SLC2A14: variants seen among roughly 807,000 people sequenced by gnomAD.
SLC2A14 encodes solute carrier family 2 member 14.
SLC2A14 carries 13 observed loss-of-function variants against 43.0 expected under a neutral mutation model. That is an observed-to-expected ratio of 0.30 (90% CI 0.20 to 0.48). The LOEUF (loss-of-function observed/expected upper bound fraction) is 0.48, where lower values mean the gene tolerates loss of function less well. Ranked by LOEUF, SLC2A14 falls within the 20% of genes least tolerant of loss-of-function variation. The probability of loss-of-function intolerance (pLI) is 0.99; values close to 1 mark genes in which losing one functional copy is unlikely to be tolerated. For missense variants in SLC2A14, 428 were observed against 620.4 expected (o/e 0.69, Z 3.29); for synonymous variants, 190 against 233.8 (o/e 0.81, Z 1.71).
chr12:7,854,279 G>A (rs190582424), intron 2 of SLC2A14, among the ~76,000 whole-genome samples: 1 of 151,964 alleles, frequency 6.6e-6, no homozygotes, highest in African/African-American at 2.4e-5. Context: ...AAAGCTAGGA[G>A]TTATTCAGGA....
At chr12:7,856,989 C>G (rs1387371464) in intron 2 of SLC2A14, among the ~76,000 whole-genome samples, 1 of 152,060 alleles carries the variant, frequency 6.6e-6, no homozygotes, top group South Asian at 2.1e-4. Context: ...CGGTGGCTCA[C>G]GCCTGTAATC....
chr12:7,873,280 G>A, upstream of SLC2A14: 1 of 985,640 alleles, frequency 1.0e-6, no homozygotes, highest in Non-Finnish European at 1.2e-6. Flanking sequence ...GCAGCAGGGA[G>A]ATAGTGCCCG....
At chr12:7,816,397 C>T (rs1285908172) in intron 10 of SLC2A14, among the ~76,000 whole-genome samples, 1 of 143,734 alleles carries the variant, frequency 7.0e-6, no homozygotes, top group East Asian at 2.1e-4. Context: ...AGCCACCGCG[C>T]CCGGCCATTT....
chr12:7,860,248 G>A (rs1944471981), intron 2 of SLC2A14, among the ~76,000 whole-genome samples: 1 of 152,122 alleles, frequency 6.6e-6, no homozygotes, highest in African/African-American at 2.4e-5. Flanking sequence ...AAGAAGCAAA[G>A]CCCTCAGAGA....
At chr12:7,882,947 G>C (rs777886793) in intron 1 of SLC2A14, among the ~76,000 whole-genome samples, 6 of 151,496 alleles carry the variant, frequency 4.0e-5, no homozygotes, top group Non-Finnish European at 8.8e-5. Context: ...GTGGTGGCTC[G>C]TGCCTGTAAT....
At chr12:7,869,090 G>A (rs1945085721) in intron 2 of SLC2A14, among the ~76,000 whole-genome samples, 1 of 150,160 alleles carries the variant, frequency 6.7e-6, no homozygotes, top group Non-Finnish European at 1.5e-5. Flanking sequence ...GTTGCGGTGA[G>A]CCGAGATCAC....
chr12:7,829,663 G>A, intron 5 of SLC2A14, 103 bp downstream of exon 5: 2 of 1,476,004 alleles, frequency 1.4e-6, no homozygotes, highest in Non-Finnish European at 9.1e-7. Flanking sequence ...ACTTCCATAT[G>A]TAATTGAACA....
intron 2 of SLC2A14, among the ~76,000 whole-genome samples, chr12:7,861,961 C>CCA (rs796290072): frequency 7.6e-6 from 1 of 132,192 alleles, no homozygotes; most frequent in Non-Finnish European, 1.6e-5. Context: ...GACTCCATTT[C>CCA]AAAAAAAAAA....
At chr12:7,849,576 G>A (rs1025143467) in intron 2 of SLC2A14, among the ~76,000 whole-genome samples, 1 of 151,844 alleles carries the variant, frequency 6.6e-6, no homozygotes, top group South Asian at 2.1e-4. Flanking sequence ...TAAAGGTGAT[G>A]AAAAAAATTA....
In SLC2A14 at chr12:7,826,868, TCTTTCTTTCTTTCTTTC is replaced by T. The variant is rs1565507734; in HGVS notation, c.864+610_864+626del. 5.5e-3 allele frequency among the ~76,000 whole-genome samples: 281 copies of T among 51,112 alleles called. 23 individuals carry two copies. The highest frequency in any genetic ancestry group is 0.021 in the African/African-American group (268 of 12,964). 33.5% of individuals were successfully genotyped at this position (51,112 alleles called of 152,430 possible). A position where few individuals can be genotyped will look rare whatever the true frequency, so the allele number is the denominator to read the frequency against. Reference sequence around the variant, plus strand: ...TTCCTTCCTTCCTTTCTTTTTTCTTTCTTTCTTTCTTTCTTTCTTTCTTTCTTTCTTTCTTTCTTTCT... The same window carrying T: ...TTCCTTCCTTCCTTTCTTTTTTCTTTTTTCTTTCTTTCTTTCTTTCTTTCT... On this transcript the variant is annotated intron_variant, in intron 7 of 10. Transcript: ENST00000431042.
intron 2 of SLC2A14, among the ~76,000 whole-genome samples, chr12:7,857,304 A>G (rs1265987064): frequency 7.7e-6 from 1 of 129,344 alleles, no homozygotes; most frequent in East Asian, 2.6e-4. Flanking sequence ...TAAAACACAT[A>G]TAGGCCAGGC....
chr12:7,889,825 G>C (rs1390421532), intron 1 of SLC2A14, among the ~76,000 whole-genome samples: 1 of 152,088 alleles, frequency 6.6e-6, no homozygotes, highest in East Asian at 1.9e-4. Flanking sequence ...CATGAGCCTG[G>C]TCGTCTGGTT....
chr12:7,891,035 G>A lies in SLC2A14; in HGVS notation c.93C>T (p.Ser31=), dbSNP rs1479034150. 14 of 1,535,128 alleles carry A rather than the reference G, an allele frequency of 9.1e-6. No individual in the cohort carries two copies. In the East Asian group the frequency reaches 2.9e-4, roughly 32 times the overall value. ...CCCCATTCTGACTCTTCTCCAGAGT[G>A]GAGGTCTGAGAAGAAAAAAAGAAAT... Residue 31 remains serine, a synonymous_variant, in exon 1 of 10, where the codon TCC becomes TCT. Coordinates refer to the SLC2A14 transcript ENST00000539924.
At chr12:7,890,121 C>T (rs1945750506) in intron 1 of SLC2A14, among the ~76,000 whole-genome samples, 1 of 152,040 alleles carries the variant, frequency 6.6e-6, no homozygotes, top group African/African-American at 2.4e-5. Context: ...TGACTTAGAA[C>T]ATCTTAACCA....
In SLC2A14 at chr12:7,868,739, C is replaced by T. The variant is rs116720583; in HGVS notation, c.18+1124G>A. ...ATATGTCTGGTCAGGCACAGTGGCT[C>T]GCTCATGGCTGTAATCCCAGCATTT... On this transcript the variant is annotated intron_variant, in intron 2 of 10. Transcript: ENST00000431042. 6.5e-3 allele frequency among the ~76,000 whole-genome samples: 989 copies of T among 152,200 alleles called. 9 individuals are homozygous for T. Among genetic ancestry groups the T allele is most frequent in the African/African-American group, 0.022 (920 of 41,518 alleles).
intron 1 of SLC2A14, among the ~76,000 whole-genome samples, chr12:7,878,935 C>A (rs976056197): frequency 3.6e-5 from 5 of 140,588 alleles, no homozygotes; most frequent in Non-Finnish European, 7.5e-5. Context: ...TGAGATCCTG[C>A]CACTGCACTC....
intron 2 of SLC2A14, among the ~76,000 whole-genome samples, chr12:7,866,517 A>C (rs1275168364): frequency 2.6e-5 from 4 of 151,966 alleles, no homozygotes; most frequent in African/African-American, 9.7e-5. Flanking sequence ...GGCGCCTGCC[A>C]CCACGCCCAG....
intron 2 of SLC2A14, among the ~76,000 whole-genome samples, chr12:7,855,649 T>A (rs760121422): frequency 1.1e-4 from 17 of 152,176 alleles, no homozygotes; most frequent in African/African-American, 4.1e-4. Context: ...TTTTCTTTGT[T>A]TTTGTTGAGA....
chr12:7,855,723 C>T (rs918424694), intron 2 of SLC2A14, among the ~76,000 whole-genome samples: 58 of 96,462 alleles, frequency 6.0e-4, no homozygotes, highest in African/African-American at 1.7e-3. Context: ...CTGCAACCTC[C>T]GCCTCCCAGG....
Sources: allele counts gnomAD v4.1 joint callset (sites outside exome capture counted in the v4.1 genomes callset), GRCh38; gene constraint gnomAD v4.1.1; transcripts MANE v1.5; gene names NCBI Gene and HGNC (gene_info 2026-07-23, HGNC 2026-07-21).